ATP8A1: variants seen among roughly 807,000 people sequenced by gnomAD.
ATP8A1 encodes ATPase phospholipid transporting 8A1.
A neutral mutation model predicts 177.7 loss-of-function variants in ATP8A1; 90 were observed. The observed-to-expected ratio is 0.51, with a 90% CI of 0.43 to 0.60. The LOEUF (loss-of-function observed/expected upper bound fraction) is 0.60. ATP8A1 is among the 20% of genes least tolerant of loss of function. The probability of loss-of-function intolerance (pLI) is 0.00; values close to 1 mark genes in which losing one functional copy is unlikely to be tolerated. For missense variants in ATP8A1, 1,072 were observed against 1,392.8 expected (o/e 0.77, Z 3.67); for synonymous variants, 493 against 485.9 (o/e 1.01, Z -0.19).
chr4:42,607,912 A>T (rs756999071), intron 5 of ATP8A1, among the ~76,000 whole-genome samples: 4 of 152,164 alleles, frequency 2.6e-5, no homozygotes, highest in Non-Finnish European at 5.9e-5. Context: ...GGATTGTCAG[A>T]ATGGCTAGTG....
At chr4:42,493,097 T>C (rs116166436) in intron 24 of ATP8A1, among the ~76,000 whole-genome samples, 1,938 of 148,696 alleles carry the variant, frequency 0.013, 44 homozygotes, top group African/African-American at 0.045. Flanking sequence ...GCCTGTATCA[T>C]ACAAACGTGC....
intron 22 of ATP8A1, among the ~76,000 whole-genome samples, chr4:42,507,775 C>A (rs1270971346): frequency 4.7e-4 from 6 of 12,714 alleles, no homozygotes; most frequent in African/African-American, 8.9e-4. Flanking sequence ...AAAGGACAGG[C>A]ATTCTAAAAA....
At chr4:42,461,971 T>C (rs1719213213) in intron 27 of ATP8A1, among the ~76,000 whole-genome samples, 2 of 152,170 alleles carry the variant, frequency 1.3e-5, no homozygotes, top group Admixed American at 1.3e-4. Context: ...GCCCCTTCCC[T>C]AGAGATCTGT....
intron 20 of ATP8A1, among the ~76,000 whole-genome samples, chr4:42,528,914 A>G (rs1422637647): frequency 6.6e-6 from 1 of 152,188 alleles, no homozygotes; most frequent in Non-Finnish European, 1.5e-5. Flanking sequence ...TAAAATTTCT[A>G]GGGGTCCAGT....
At chr4:42,446,443 TCTTA>T (rs1409092068) in intron 31 of ATP8A1, 136 bp downstream of exon 31, 8 of 681,658 alleles carry the variant, frequency 1.2e-5, no homozygotes, top group South Asian at 2.6e-5. Flanking sequence ...AAGCCCTGGG[TCTTA>T]CTTAATTTTT....
At chr4:42,498,347 T>A (rs1483242736) in intron 24 of ATP8A1, among the ~76,000 whole-genome samples, 7 of 152,236 alleles carry the variant, frequency 4.6e-5, no homozygotes, top group Admixed American at 3.9e-4. Context: ...AGCCTTTATG[T>A]CCTGAATGTC....
rs2153174664 is a variant in ATP8A1 at position 42,443,621 on chromosome 4, C to CA, written c.3066dup (p.Gly1023TrpfsTer15). ...GCAGGCCACAGAGATGAGTAGATTC[C>CA]AAAAAACACCACCCAGAGTGCGATG... is the stretch of plus-strand genomic sequence containing the variant. On this transcript the variant is annotated frameshift_variant, in exon 33 of 37. Coordinates refer to ENST00000381668, the MANE Select transcript of ATP8A1 (RefSeq NM_006095.2). LOFTEE classifies it high-confidence loss of function. The CA allele has an allele frequency of 2.5e-6, 4 of 1,572,332 alleles. No individual in the cohort carries two copies. The highest frequency in any genetic ancestry group is 3.5e-6 in the Non-Finnish European group (4 of 1,142,162).
intron 24 of ATP8A1, among the ~76,000 whole-genome samples, chr4:42,493,335 A>T (rs1429051826): frequency 2.0e-5 from 3 of 152,222 alleles, no homozygotes; most frequent in East Asian, 3.8e-4. Context: ...ACCTTCTTGG[A>T]AAAGGGAAAA....
At chr4:42,477,445 TTATACA>T (rs1206314111) in intron 25 of ATP8A1, among the ~76,000 whole-genome samples, 1 of 152,126 alleles carries the variant, frequency 6.6e-6, no homozygotes, top group Non-Finnish European at 1.5e-5. Flanking sequence ...TGGGAAAGAA[TTATACA>T]TATACGCCAC....
At chr4:42,490,357 A>G (rs1355144191) in intron 24 of ATP8A1, among the ~76,000 whole-genome samples, 1 of 151,912 alleles carries the variant, frequency 6.6e-6, no homozygotes, top group Non-Finnish European at 1.5e-5. Context: ...GGCAGGATCT[A>G]CTCCAGCTCC....
chr4:42,452,506 G>A (rs1441318302), intron 29 of ATP8A1, among the ~76,000 whole-genome samples: 4 of 152,052 alleles, frequency 2.6e-5, no homozygotes, highest in Non-Finnish European at 5.9e-5. Context: ...CTTATCAAGA[G>A]ATATAAAGAT....
chr4:42,653,444 T>A (rs1350649919), intron 1 of ATP8A1, among the ~76,000 whole-genome samples: 1 of 152,226 alleles, frequency 6.6e-6, no homozygotes. Flanking sequence ...TGAAGTTCAG[T>A]AGACATCTGC....
At chr4:42,495,361 T>C (rs1462372720) in intron 24 of ATP8A1, among the ~76,000 whole-genome samples, 3 of 152,348 alleles carry the variant, frequency 2.0e-5, no homozygotes, top group East Asian at 1.9e-4. Context: ...TTTTCTACAA[T>C]GTGTTATTGA....
At chr4:42,565,041 C>A (rs541772932) in intron 15 of ATP8A1, among the ~76,000 whole-genome samples, 1 of 152,146 alleles carries the variant, frequency 6.6e-6, no homozygotes, top group Admixed American at 6.5e-5. Flanking sequence ...CTGCCATCCA[C>A]GTAAGACATG....
Position 42,417,616 on chromosome 4 carries a change from A to G in ATP8A1, c.3306-2898T>C, listed in dbSNP as rs572684266. Among the ~76,000 whole-genome samples, 10 of 152,352 alleles carry G rather than the reference A, an allele frequency of 6.6e-5. No homozygotes were observed. In the East Asian group the frequency reaches 1.5e-3, roughly 23 times the overall value. On this transcript the variant is annotated intron_variant, in intron 35 of 36. Coordinates refer to ENST00000381668, the MANE Select transcript of ATP8A1 (RefSeq NM_006095.2). ...ACTAAAAAATGTCAGTGTTGGTAAA[A>G]ACCAATTCATGGTTCTGGAATGTGT... is the stretch of plus-strand genomic sequence containing the variant.
intron 6 of ATP8A1, among the ~76,000 whole-genome samples, chr4:42,596,666 C>CA (rs71648737): frequency 0.053 from 3,911 of 73,522 alleles, 114 homozygotes; most frequent in African/African-American, 0.1. Context: ...GACTCCATCT[C>CA]AAAAAAAAAA....
rs143262314 is a variant in ATP8A1, at chr4:42,581,271, T to C, written c.834+350A>G. Among the ~76,000 whole-genome samples the C allele has an allele frequency of 7.0e-3, 1,072 of 152,200 alleles. 8 individuals carry two copies. Among genetic ancestry groups the C allele is most frequent in the African/African-American group, 0.024 (991 of 41,522 alleles). The stretch of plus-strand genomic sequence containing the variant: ...GCCTCAGCCTCCCGAGTAGCTGGGA[T>C]TACAGGTGTCCACTACCACGCCCGG... On this transcript the variant is annotated intron_variant, in intron 10 of 36. Coordinates refer to ENST00000381668, the MANE Select transcript of ATP8A1 (RefSeq NM_006095.2).
At chr4:42,538,283 A>T (rs1463759756) in intron 20 of ATP8A1, among the ~76,000 whole-genome samples, 2 of 152,212 alleles carry the variant, frequency 1.3e-5, no homozygotes, top group Admixed American at 6.5e-5. Context: ...TGGATCAAAG[A>T]CTTAAATCTA....
intron 5 of ATP8A1, among the ~76,000 whole-genome samples, chr4:42,610,127 T>C (rs762791370): frequency 2.0e-4 from 30 of 151,972 alleles, no homozygotes; most frequent in Non-Finnish European, 4.4e-4. Context: ...AAATGGCATT[T>C]TGGAATCCCT....
Sources: allele counts gnomAD v4.1 joint callset (sites outside exome capture counted in the v4.1 genomes callset), GRCh38; gene constraint gnomAD v4.1.1; transcripts MANE v1.5; gene names NCBI Gene and HGNC (gene_info 2026-07-23, HGNC 2026-07-21).